Variants in RNGTT observed in about 807,000 individuals in gnomAD.
RNGTT encodes mRNA-capping enzyme.
RNGTT carries 33 observed loss-of-function variants against 79.3 expected under a neutral mutation model. That is an observed-to-expected ratio of 0.42 (90% CI 0.32 to 0.56). The LOEUF is 0.56. RNGTT is among the 20% of genes least tolerant of loss of function. The probability of loss-of-function intolerance (pLI) is 0.17; values close to 1 mark genes in which losing one functional copy is unlikely to be tolerated. For missense variants in RNGTT, 497 were observed against 739.1 expected (o/e 0.67, Z 3.80); for synonymous variants, 222 against 235.9 (o/e 0.94, Z 0.54).
At chr6:88,778,561 C>T (rs9362559) in intron 12 of RNGTT, among the ~76,000 whole-genome samples, 20,839 of 152,168 alleles carry the variant, frequency 0.14, 1,567 homozygotes, top group Middle Eastern at 0.24. Context: ...GGTGCAGTCA[C>T]AGCACTGCAG....
chr6:88,629,902 G>T (rs145407120), intron 14 of RNGTT, among the ~76,000 whole-genome samples: 1 of 152,202 alleles, frequency 6.6e-6, no homozygotes, highest in East Asian at 1.9e-4. Context: ...TATTTTACAG[G>T]ATATTCTCAC....
chr6:88,894,048 C>T (rs967021761), intron 6 of RNGTT, among the ~76,000 whole-genome samples: 2 of 152,220 alleles, frequency 1.3e-5, no homozygotes, highest in East Asian at 3.9e-4. Flanking sequence ...CCTGAAAATA[C>T]CCATCTTCAT....
intron 1 of RNGTT, among the ~76,000 whole-genome samples, chr6:88,943,975 G>A (rs1274000709): frequency 1.3e-5 from 2 of 152,280 alleles, no homozygotes; most frequent in East Asian, 3.9e-4. Flanking sequence ...AAAGATGGGT[G>A]ACACTATACT....
intron 12 of RNGTT, among the ~76,000 whole-genome samples, chr6:88,795,950 A>T (rs1779588674): frequency 6.6e-6 from 1 of 152,176 alleles, no homozygotes; most frequent in African/African-American, 2.4e-5. Flanking sequence ...TGAAGATCAC[A>T]AATGAATCAT....
At chr6:88,874,657 TA>T (rs912155799) in intron 8 of RNGTT, among the ~76,000 whole-genome samples, 333 of 144,304 alleles carry the variant, frequency 2.3e-3, no homozygotes, top group African/African-American at 4.4e-3. Flanking sequence ...CACAGAATCG[TA>T]AAAAAAAAAA....
intron 4 of RNGTT, among the ~76,000 whole-genome samples, chr6:88,910,660 T>C (rs1339605565): frequency 6.6e-6 from 1 of 152,166 alleles, no homozygotes; most frequent in African/African-American, 2.4e-5. Context: ...TACGGTACTA[T>C]ACAAAACGAC....
intron 14 of RNGTT, among the ~76,000 whole-genome samples, chr6:88,633,023 C>T (rs923782239): frequency 6.6e-6 from 1 of 152,164 alleles, no homozygotes; most frequent in Non-Finnish European, 1.5e-5. Flanking sequence ...AACATTGCTA[C>T]CAAAGCATAG....
intron 1 of RNGTT, among the ~76,000 whole-genome samples, chr6:88,953,665 T>C (rs760230005): frequency 2.2e-4 from 33 of 152,188 alleles, no homozygotes; most frequent in African/African-American, 7.2e-4. Context: ...CCTAGGCACA[T>C]AGTTATCAGG....
intron 14 of RNGTT, among the ~76,000 whole-genome samples, chr6:88,635,467 C>T (rs1773064967): frequency 6.6e-6 from 1 of 151,980 alleles, no homozygotes; most frequent in South Asian, 2.1e-4. Context: ...TCCCTCAATG[C>T]ACATATATAC....
intron 8 of RNGTT, among the ~76,000 whole-genome samples, chr6:88,881,152 G>C (rs548318182): frequency 6.6e-6 from 1 of 152,114 alleles, no homozygotes; most frequent in African/African-American, 2.4e-5. Flanking sequence ...GAAATTCAAC[G>C]AGTTCCTTTA....
At chr6:88,680,734 C>T (rs1176273740) in intron 13 of RNGTT, among the ~76,000 whole-genome samples, 4 of 144,184 alleles carry the variant, frequency 2.8e-5, no homozygotes, top group African/African-American at 5.1e-5. Context: ...AAGAGCAAAA[C>T]TCTATCTCAA....
chr6:88,795,566 G>A (rs1364923332), intron 12 of RNGTT, among the ~76,000 whole-genome samples: 3 of 152,128 alleles, frequency 2.0e-5, no homozygotes, highest in African/African-American at 7.2e-5. Context: ...GATAGCATTA[G>A]GAGAAATACT....
chr6:88,779,885 TG>T (rs1215495507), intron 12 of RNGTT, among the ~76,000 whole-genome samples: 2 of 152,076 alleles, frequency 1.3e-5, no homozygotes, highest in East Asian at 1.9e-4. Flanking sequence ...CCCAGCCACC[TG>T]GGGGGGCCAA....
intron 14 of RNGTT, among the ~76,000 whole-genome samples, chr6:88,667,779 T>C (rs759495691): frequency 4.0e-4 from 61 of 152,164 alleles, no homozygotes; most frequent in Non-Finnish European, 8.2e-4. Flanking sequence ...ACTACCAACC[T>C]TGGAGTTCCG....
intron 12 of RNGTT, among the ~76,000 whole-genome samples, chr6:88,781,040 A>G (rs1779047038): frequency 6.6e-6 from 1 of 152,246 alleles, no homozygotes; most frequent in African/African-American, 2.4e-5. Flanking sequence ...TACAAAGCAC[A>G]GGGCAGCTGC....
intron 4 of RNGTT, among the ~76,000 whole-genome samples, chr6:88,907,756 T>A (rs1582116917): frequency 6.8e-6 from 1 of 147,138 alleles, no homozygotes; most frequent in East Asian, 2.0e-4. Flanking sequence ...TTTTTTTTTT[T>A]AGAGACAGGA....
chr6:88,746,748 T>C (rs1397711245), intron 13 of RNGTT, among the ~76,000 whole-genome samples: 1 of 152,206 alleles, frequency 6.6e-6, no homozygotes, highest in African/African-American at 2.4e-5. Context: ...CACAGACCTA[T>C]ACTGGTCTGG....
intron 6 of RNGTT, among the ~76,000 whole-genome samples, chr6:88,892,674 T>A (rs1452309911): frequency 6.6e-6 from 1 of 152,066 alleles, no homozygotes. Flanking sequence ...AGATGTATGC[T>A]ACAGTTCTTT....
intron 8 of RNGTT, among the ~76,000 whole-genome samples, chr6:88,866,508 A>G (rs1034720958): frequency 3.9e-5 from 6 of 152,134 alleles, no homozygotes; most frequent in Admixed American, 3.3e-4. Context: ...TTAAATAAAA[A>G]CATGATTTAC....
Sources: gnomAD v4.1 joint callset for allele counts (sites outside exome capture counted in the v4.1 genomes callset) on GRCh38, gnomAD v4.1.1 for gene constraint, MANE v1.5 for transcripts, NCBI Gene and HGNC (gene_info 2026-07-23, HGNC 2026-07-21) for gene names.